PARD3: variants seen among roughly 807,000 people sequenced by gnomAD.
The protein encoded by PARD3 is par-3 family cell polarity regulator.
In PARD3, 75 loss-of-function variants were observed where a neutral mutation model predicts 155.4. The observed-to-expected ratio is 0.48, with a 90% CI of 0.40 to 0.58. The LOEUF is 0.58. PARD3 is among the 20% of genes least tolerant of loss of function. PARD3 has a pLI of 0.00. For synonymous variants in PARD3, 576 were observed against 610.5 expected (o/e 0.94, Z 0.83); for missense variants, 1,642 against 1,721.7 (o/e 0.95, Z 0.82).
chr10:34,564,817 A>G (rs1272069653), intron 2 of PARD3, among the ~76,000 whole-genome samples: 1 of 152,220 alleles, frequency 6.6e-6, no homozygotes, highest in East Asian at 1.9e-4. Flanking sequence ...TCTGTCTACA[A>G]TTGCAAGCCA....
Position 34,439,394 on chromosome 10 carries a change from G to GA in PARD3, c.714+10922dup, listed in dbSNP as rs955898869. Among the ~76,000 whole-genome samples the GA allele has an allele frequency of 9.6e-3, 1,325 of 138,632 alleles. 23 individuals are homozygous for GA. Among genetic ancestry groups the GA allele is most frequent in the Admixed American group, 0.042 (592 of 13,962 alleles). The allele number at this position is 138,632 out of a possible 152,430, so 90.9% of individuals were successfully genotyped here. ...AATTTGGAAATGACAGTAACTTGCA[G>GA]AAAAAAAAAAAAGCTCAGTCTTCCA... is the stretch of plus-strand genomic sequence containing the variant. On this transcript the variant is annotated intron_variant, in intron 5 of 24. Transcript: ENST00000374788.
At chr10:34,384,544 C>T (rs1449925284) in intron 7 of PARD3, among the ~76,000 whole-genome samples, 1 of 152,134 alleles carries the variant, frequency 6.6e-6, no homozygotes, top group Admixed American at 6.5e-5. Context: ...ACAGAGCCCG[C>T]CTAATGGTTG....
intron 22 of PARD3, among the ~76,000 whole-genome samples, chr10:34,171,272 C>T (rs891503603): frequency 3.3e-5 from 5 of 152,140 alleles, no homozygotes; most frequent in Non-Finnish European, 5.9e-5. Context: ...CAAACTGAAA[C>T]GCTCAAAAAA....
At chr10:34,732,868 C>A (rs2094844218) in intron 1 of PARD3, among the ~76,000 whole-genome samples, 1 of 152,174 alleles carries the variant, frequency 6.6e-6, no homozygotes, top group South Asian at 2.1e-4. Flanking sequence ...CTCAGCAATA[C>A]TCACACCCAG....
intron 20 of PARD3, among the ~76,000 whole-genome samples, chr10:34,302,155 C>T (rs945671505): frequency 6.6e-6 from 1 of 152,140 alleles, no homozygotes; most frequent in Non-Finnish European, 1.5e-5. Context: ...GGTTCCTCAT[C>T]CCACCCTCGC....
intron 1 of PARD3, among the ~76,000 whole-genome samples, chr10:34,721,968 A>G (rs2094613830): frequency 6.6e-6 from 1 of 152,208 alleles, no homozygotes; most frequent in Admixed American, 6.5e-5. Flanking sequence ...GCTTGAGTCC[A>G]GGAGTTCAAG....
chr10:34,668,382 CTGCTCAG>C (rs1266477292), intron 2 of PARD3, among the ~76,000 whole-genome samples: 4 of 152,184 alleles, frequency 2.6e-5, no homozygotes, highest in African/African-American at 9.7e-5. Flanking sequence ...CTGATATAAC[CTGCTCAG>C]TGCAACTGAA....
intron 1 of PARD3, among the ~76,000 whole-genome samples, chr10:34,766,305 G>T (rs1241355628): frequency 6.6e-6 from 1 of 152,104 alleles, no homozygotes; most frequent in Non-Finnish European, 1.5e-5. Context: ...GTCAGAAGTG[G>T]GTATTTGCCA....
At chr10:34,718,381 T>C (rs10740894) in intron 1 of PARD3, among the ~76,000 whole-genome samples, 93,075 of 151,838 alleles carry the variant, frequency 0.61, 28,875 homozygotes, top group Non-Finnish European at 0.67. Flanking sequence ...ACAGTGAGGC[T>C]GGGCACAGTG....
intron 5 of PARD3, among the ~76,000 whole-genome samples, chr10:34,403,038 C>G (rs2132216783): frequency 1.3e-5 from 2 of 152,276 alleles, no homozygotes; most frequent in Middle Eastern, 3.4e-3. Context: ...TCAGATTCTC[C>G]AAACACAATG....
chr10:34,611,075 C>T (rs1179397909), intron 2 of PARD3, among the ~76,000 whole-genome samples: 1 of 152,058 alleles, frequency 6.6e-6, no homozygotes, highest in Non-Finnish European at 1.5e-5. Flanking sequence ...GAGTTGAAAC[C>T]GGTCTATGTT....
At chr10:34,353,013 G>GGACCCAAC in intron 14 of PARD3, among the ~76,000 whole-genome samples, 1 of 151,598 alleles carries the variant, frequency 6.6e-6, no homozygotes, top group Non-Finnish European at 1.5e-5. Flanking sequence ...TCTGGGAGGT[G>GGACCCAAC]AGGAGCGTCT....
intron 5 of PARD3, among the ~76,000 whole-genome samples, chr10:34,408,377 C>A (rs1034961152): frequency 1.3e-5 from 2 of 151,834 alleles, no homozygotes; most frequent in African/African-American, 2.4e-5. Context: ...TTTTAGAATC[C>A]CTCCAAGATT....
At chr10:34,540,580 C>T (rs1481220974) in intron 2 of PARD3, among the ~76,000 whole-genome samples, 3 of 152,136 alleles carry the variant, frequency 2.0e-5, no homozygotes, top group Non-Finnish European at 4.4e-5. Context: ...CTGGACAATA[C>T]AGCAAGATAC....
chr10:34,383,865 A>G (rs532776495), intron 8 of PARD3, among the ~76,000 whole-genome samples: 1 of 152,352 alleles, frequency 6.6e-6, no homozygotes, highest in East Asian at 1.9e-4. Context: ...TCAATTTTCC[A>G]AAAGGAGAGG....
chr10:34,516,984 C>A lies in PARD3; in HGVS notation c.398G>T (p.Arg133Leu). Residue 133 changes from arginine (R) to leucine (L), a missense_variant, in exon 3 of 25, where the codon CGA becomes CTA. By Grantham distance (102) the Arg-to-Leu change is moderately radical. Transcript: ENST00000374788. ...SEIEVTPSVLRANMPLHVRRS... is the reference protein window; with the variant it reads ...SEIEVTPSVLLANMPLHVRRS... ...AAGAAAGAGCTTTCACTTACTTGCTCGAAGGACTGAAGGTGTGACCTCAAT... is the reference window on the plus strand; with the variant it reads ...AAGAAAGAGCTTTCACTTACTTGCTAGAAGGACTGAAGGTGTGACCTCAAT... 1.2e-6 allele frequency: 2 copies of A among 1,613,304 alleles called. No homozygotes were observed. Among genetic ancestry groups the A allele is most frequent in the South Asian group, 1.1e-5 (1 of 90,934 alleles).
chr10:34,595,916 T>A (rs1449972940), intron 2 of PARD3, among the ~76,000 whole-genome samples: 4 of 152,274 alleles, frequency 2.6e-5, no homozygotes, highest in Admixed American at 2.6e-4. Context: ...TGCTTAAGCC[T>A]AGGAGTTCGA....
chr10:34,442,752 T>A (rs1420906486), intron 5 of PARD3, among the ~76,000 whole-genome samples: 1 of 152,064 alleles, frequency 6.6e-6, no homozygotes, highest in Non-Finnish European at 1.5e-5. Flanking sequence ...GCATCAGTAG[T>A]CCCAGCTGCT....
chr10:34,378,908 C>T (rs953560883), intron 9 of PARD3, among the ~76,000 whole-genome samples: 3 of 152,060 alleles, frequency 2.0e-5, no homozygotes, highest in African/African-American at 4.8e-5. Context: ...CTTACATGCT[C>T]AATACAAAGC....
Sources: gnomAD v4.1 joint callset for allele counts (sites outside exome capture counted in the v4.1 genomes callset) on GRCh38, gnomAD v4.1.1 for gene constraint, MANE v1.5 for transcripts, NCBI Gene and HGNC (gene_info 2026-07-23, HGNC 2026-07-21) for gene names.